Variants in CAST observed in about 807,000 individuals in gnomAD.
CAST encodes the protein calpastatin, also known as MIR583 host.
In CAST, 76 loss-of-function variants were observed where a neutral mutation model predicts 119.6. The ratio of observed to expected loss-of-function variants is 0.64; its 90% CI spans 0.53 to 0.77. CAST has a LOEUF of 0.77. Ranked by LOEUF, CAST falls within the 30% of genes least tolerant of loss-of-function variation. The pLI is 0.00. For missense variants in CAST, 953 were observed against 946.5 expected (o/e 1.01, Z -0.09); for synonymous variants, 319 against 331.6 (o/e 0.96, Z 0.41).
At chr5:96,219,563 C>T in the CAST span, among the ~76,000 whole-genome samples, 5 of 152,104 alleles carry the variant, frequency 3.3e-5, no homozygotes, top group Admixed American at 1.3e-4. Flanking sequence ...CCCAGCACTT[C>T]GGGAGGTTGA....
At chr5:96,185,134 C>T in the CAST span, among the ~76,000 whole-genome samples, 5 of 152,138 alleles carry the variant, frequency 3.3e-5, no homozygotes, top group African/African-American at 7.2e-5. Context: ...TTATTGGCCA[C>T]GTGTATGTCT....
At chr5:96,448,185 G>C in the CAST span, among the ~76,000 whole-genome samples, 3 of 152,152 alleles carry the variant, frequency 2.0e-5, no homozygotes, top group Admixed American at 6.5e-5. Flanking sequence ...TCCAGAAAGC[G>C]TATTAACATG....
chr5:96,765,168 C>T (rs1769408125), intron 25 of CAST, 53 bp from the exon 26 acceptor site: 1 of 1,040,318 alleles, frequency 9.6e-7, no homozygotes, highest in African/African-American at 1.6e-5. Context: ...GCTAATTTGC[C>T]TCTGATACAG....
At position 96,757,667 on chromosome 5, in the gene CAST, C is replaced by A; in HGVS notation, c.1833+13C>A. On this transcript the variant is annotated intron_variant, in intron 24 of 31. Coordinates refer to ENST00000675179, the MANE Select transcript of CAST (RefSeq NM_001750.7). Reference sequence around the variant, plus strand: ...TGCTTCATCTCTTGTAAGTCCAAAACTCTTGGTTTTATTTCTTTAGTTTTT... The same window carrying A: ...TGCTTCATCTCTTGTAAGTCCAAAAATCTTGGTTTTATTTCTTTAGTTTTT... 5 of 1,532,618 alleles carry A rather than the reference C, an allele frequency of 3.3e-6. No homozygotes were observed. The highest frequency in any genetic ancestry group is 1.4e-5 in the African/African-American group (1 of 72,072). 94.9% of individuals were successfully genotyped at this position (1,532,618 alleles called of 1,614,324 possible).
chr5:96,687,190 G>C (rs1447274649), intron 2 of CAST, among the ~76,000 whole-genome samples: 1 of 152,194 alleles, frequency 6.6e-6, no homozygotes, highest in Non-Finnish European at 1.5e-5. Context: ...CTGGCGGATG[G>C]TGGAGGATGA....
At chr5:96,171,343 C>T in the CAST span, among the ~76,000 whole-genome samples, 1 of 152,002 alleles carries the variant, frequency 6.6e-6, no homozygotes, top group Admixed American at 6.6e-5. Flanking sequence ...TTTGAGAACA[C>T]AGGCTAAGGG....
intron 2 of CAST, among the ~76,000 whole-genome samples, chr5:96,680,180 C>T (rs1333588348): frequency 6.6e-6 from 1 of 150,868 alleles, no homozygotes; most frequent in Non-Finnish European, 1.5e-5. Flanking sequence ...GAAACCCCAA[C>T]TCTACTAAAA....
At chr5:96,012,645 A>G in the CAST span, among the ~76,000 whole-genome samples, 1 of 152,158 alleles carries the variant, frequency 6.6e-6, no homozygotes, top group Admixed American at 6.6e-5. Flanking sequence ...ACTCTTTGCT[A>G]CTTCTTAGAC....
At chr5:96,191,160 G>A in the CAST span, among the ~76,000 whole-genome samples, 8 of 152,278 alleles carry the variant, frequency 5.3e-5, no homozygotes, top group African/African-American at 1.4e-4. Flanking sequence ...CTTCCAGTTT[G>A]CTGAGTATTT....
the CAST span, among the ~76,000 whole-genome samples, chr5:96,171,496 G>C: frequency 6.6e-6 from 1 of 152,180 alleles, no homozygotes; most frequent in Non-Finnish European, 1.5e-5. Flanking sequence ...CCAAGGGAAT[G>C]TGGGTGAATG....
chr5:96,351,301 T>G, the CAST span, among the ~76,000 whole-genome samples: 1 of 152,174 alleles, frequency 6.6e-6, no homozygotes, highest in Non-Finnish European at 1.5e-5. Flanking sequence ...TTTGGCCATG[T>G]GACTTGCTAT....
chr5:96,104,462 G>A, the CAST span, among the ~76,000 whole-genome samples: 1 of 152,030 alleles, frequency 6.6e-6, no homozygotes, highest in Admixed American at 6.6e-5. Flanking sequence ...TGGCTAGCCA[G>A]TTTTCCCAGC....
intron 1 of CAST, among the ~76,000 whole-genome samples, chr5:96,566,189 G>A (rs1484844875): frequency 2.6e-5 from 4 of 152,202 alleles, no homozygotes; most frequent in East Asian, 1.9e-4. Flanking sequence ...AATTAAACCT[G>A]TAGCTGACTT....
chr5:96,078,883 G>T, the CAST span, among the ~76,000 whole-genome samples: 1 of 152,106 alleles, frequency 6.6e-6, no homozygotes, highest in African/African-American at 2.4e-5. Flanking sequence ...GGAGCTGAAT[G>T]ATGAGAACAT....
the CAST span, among the ~76,000 whole-genome samples, chr5:96,350,864 A>G: frequency 6.6e-6 from 1 of 152,144 alleles, no homozygotes; most frequent in Non-Finnish European, 1.5e-5. Context: ...TTGCACAATC[A>G]CAACTGGAAC....
intron 2 of CAST, among the ~76,000 whole-genome samples, chr5:96,693,791 C>T (rs1308763132): frequency 6.6e-6 from 1 of 152,234 alleles, no homozygotes; most frequent in Non-Finnish European, 1.5e-5. Context: ...TTATCCCCTC[C>T]TTTTACCATC....
chr5:96,033,163 G>A, the CAST span, among the ~76,000 whole-genome samples: 1 of 152,040 alleles, frequency 6.6e-6, no homozygotes, highest in Admixed American at 6.6e-5. Flanking sequence ...ATTGATGAAG[G>A]AAATTGAAGA....
chr5:96,702,966 C>G (rs1335287044), intron 3 of CAST: 1 of 984,922 alleles, frequency 1.0e-6, no homozygotes, highest in African/African-American at 1.7e-5. Context: ...GCTCCCGGGT[C>G]TAGGGCCTGT....
At chr5:96,365,708 C>G in the CAST span, among the ~76,000 whole-genome samples, 3 of 151,946 alleles carry the variant, frequency 2.0e-5, no homozygotes, top group South Asian at 6.3e-4. Flanking sequence ...TATTTTGAGC[C>G]TATGTGTGTC....
Sources: allele counts gnomAD v4.1 joint callset (sites outside exome capture counted in the v4.1 genomes callset), GRCh38; gene constraint gnomAD v4.1.1; transcripts MANE v1.5; gene names NCBI Gene and HGNC (gene_info 2026-07-23, HGNC 2026-07-21).